Variants in RIMS2 observed in about 807,000 individuals in gnomAD.
The protein encoded by RIMS2 is regulating synaptic membrane exocytosis 2, also known as regulating synaptic membrane exocytosis protein 2.
RIMS2 carries 59 observed loss-of-function variants against 174.4 expected under a neutral mutation model. The observed-to-expected ratio is 0.34, with a 90% CI of 0.27 to 0.42. The LOEUF (loss-of-function observed/expected upper bound fraction) is 0.42, where lower values mean the gene tolerates loss of function less well. Among genes scored for constraint, RIMS2 ranks in the 10% least tolerant of loss-of-function variants. The probability of loss-of-function intolerance (pLI) is 1.00; values close to 1 mark genes in which losing one functional copy is unlikely to be tolerated. For synonymous variants in RIMS2, 606 were observed against 572.5 expected, an observed-to-expected ratio of 1.06 and a Z score of -0.84; for missense variants, 1,620 against 1,666.3, an observed-to-expected ratio of 0.97 and a Z score of 0.48.
intron 19 of RIMS2, among the ~76,000 whole-genome samples, chr8:104,032,422 A>AT (rs1158088633): frequency 6.6e-6 from 1 of 151,918 alleles, no homozygotes; most frequent in Non-Finnish European, 1.5e-5. Flanking sequence ...GAGGTTACAC[A>AT]TTTTTTTGTG....
intron 19 of RIMS2, among the ~76,000 whole-genome samples, chr8:104,033,918 C>A (rs1406250099): frequency 6.6e-6 from 1 of 152,034 alleles, no homozygotes; most frequent in Non-Finnish European, 1.5e-5. Flanking sequence ...TTACAGAAGA[C>A]ATGTTTGGAG....
At chr8:104,164,191 TC>T (rs908063839) in intron 19 of RIMS2, among the ~76,000 whole-genome samples, 1 of 6,778 alleles carries the variant, frequency 1.5e-4, no homozygotes, top group African/African-American at 2.1e-3. Flanking sequence ...GAATTATCTT[TC>T]CTGTGTGAAA....
chr8:103,927,856 T>C, exon 11 of RIMS2: 1 of 1,608,298 alleles, frequency 6.2e-7, no homozygotes, highest in East Asian at 2.2e-5. Flanking sequence ...AAAGCCTTAG[T>C]AGAAGAACAA....
intron 2 of RIMS2, among the ~76,000 whole-genome samples, chr8:103,724,687 T>C (rs2097504191): frequency 6.6e-6 from 1 of 152,236 alleles, no homozygotes; most frequent in African/African-American, 2.4e-5. Context: ...GATCCTACTT[T>C]ATTTCATATT....
chr8:104,124,105 A>G (rs1359685968), intron 19 of RIMS2, among the ~76,000 whole-genome samples: 9 of 152,180 alleles, frequency 5.9e-5, no homozygotes, highest in East Asian at 3.8e-4. Context: ...AAGATATGCA[A>G]TCATGTCTAT....
chr8:103,519,966 C>T (rs894936253), intron 1 of RIMS2, among the ~76,000 whole-genome samples: 3 of 151,802 alleles, frequency 2.0e-5, no homozygotes, highest in Non-Finnish European at 4.4e-5. Context: ...TATTGCTTTC[C>T]TGCTTATTTT....
chr8:103,730,579 C>A (rs1374649867), intron 2 of RIMS2, among the ~76,000 whole-genome samples: 2 of 152,094 alleles, frequency 1.3e-5, no homozygotes, highest in Non-Finnish European at 2.9e-5. Flanking sequence ...TTGATAGATT[C>A]ATCTTTTGGT....
Position 103,689,152 on chromosome 8 carries a change from G to A in RIMS2, c.177-7934G>A, listed in dbSNP as rs142068292. On this transcript the variant is annotated intron_variant, in intron 1 of 23. Transcript: ENST00000504942. ...CATATTGTTTAACTTCCATGTGTTT[G>A]CATAGTTTCCAAAATTTCTCATATT... 6.2e-3 allele frequency among the ~76,000 whole-genome samples: 940 copies of A among 152,048 alleles called. 12 individuals carry two copies. The highest frequency in any genetic ancestry group is 0.021 in the African/African-American group (890 of 41,504).
In RIMS2 at chr8:104,188,109, G is replaced by A. The variant is rs148529867; in HGVS notation, c.3335-56807G>A. 4.2e-4 allele frequency among the ~76,000 whole-genome samples: 63 copies of A among 151,682 alleles called. 1 individual carries two copies. In the East Asian group the frequency reaches 0.011, roughly 26 times the overall value. ...ATGTAGCCTAACACTTTGTTCAATA[G>A]GACAATACTTAAATGATTGGTACTA... is the stretch of plus-strand genomic sequence containing the variant. On this transcript the variant is annotated intron_variant, in intron 19 of 23. Transcript: ENST00000504942.
At chr8:104,076,745 A>T (rs2097299984) in intron 19 of RIMS2, among the ~76,000 whole-genome samples, 1 of 152,008 alleles carries the variant, frequency 6.6e-6, no homozygotes, top group African/African-American at 2.4e-5. Flanking sequence ...GTTACTTAAC[A>T]TTCTTGTGCC....
At chr8:104,014,001 G>A (rs1022062833) in intron 18 of RIMS2, among the ~76,000 whole-genome samples, 12 of 151,934 alleles carry the variant, frequency 7.9e-5, no homozygotes, top group African/African-American at 2.7e-4. Context: ...TCTTTCTATC[G>A]ATACTAATAT....
chr8:103,577,024 T>G (rs1223999050), intron 1 of RIMS2, among the ~76,000 whole-genome samples: 1 of 152,138 alleles, frequency 6.6e-6, no homozygotes, highest in South Asian at 2.1e-4. Context: ...GGCAAAGACT[T>G]TATGACTAAA....
chr8:103,544,780 G>T (rs1054864299), intron 1 of RIMS2, among the ~76,000 whole-genome samples: 2 of 152,260 alleles, frequency 1.3e-5, no homozygotes, highest in Non-Finnish European at 1.5e-5. Flanking sequence ...AATCGGAGGG[G>T]GCTCCTACAA....
chr8:104,184,206 ATGT>A (rs1486417952), intron 19 of RIMS2, among the ~76,000 whole-genome samples: 1 of 151,658 alleles, frequency 6.6e-6, no homozygotes, highest in Non-Finnish European at 1.5e-5. Context: ...CAAAGTAACA[ATGT>A]TATTACATGA....
intron 19 of RIMS2, among the ~76,000 whole-genome samples, chr8:104,136,460 G>A (rs1408370983): frequency 1.3e-5 from 2 of 152,160 alleles, no homozygotes; most frequent in Non-Finnish European, 2.9e-5. Flanking sequence ...TTTCATTTAT[G>A]CCAAAAGTGT....
chr8:103,739,058 G>T (rs371143863), intron 2 of RIMS2, among the ~76,000 whole-genome samples: 177 of 151,948 alleles, frequency 1.2e-3, no homozygotes, highest in Middle Eastern at 3.4e-3. Flanking sequence ...TAAATCATGC[G>T]GCTATAAAGA....
intron 19 of RIMS2, among the ~76,000 whole-genome samples, chr8:104,016,078 C>A (rs954035773): frequency 2.0e-5 from 3 of 151,946 alleles, no homozygotes; most frequent in African/African-American, 7.2e-5. Flanking sequence ...CATACATTTG[C>A]TAGATCAATA....
intron 19 of RIMS2, among the ~76,000 whole-genome samples, chr8:104,046,425 T>G (rs1264970846): frequency 2.0e-5 from 3 of 152,084 alleles, no homozygotes; most frequent in Non-Finnish European, 2.9e-5. Context: ...TATTTCAAAC[T>G]TGTATATCAA....
chr8:103,808,864 A>G (rs1397561829), intron 3 of RIMS2, among the ~76,000 whole-genome samples: 2 of 152,162 alleles, frequency 1.3e-5, no homozygotes, highest in Non-Finnish European at 2.9e-5. Context: ...CTCTGCATCC[A>G]CATACAGTGA....
Sources: gnomAD v4.1 joint callset for allele counts (sites outside exome capture counted in the v4.1 genomes callset) on GRCh38, gnomAD v4.1.1 for gene constraint, MANE v1.5 for transcripts, NCBI Gene and HGNC (gene_info 2026-07-23, HGNC 2026-07-21) for gene names.